The following PCDH9 variants were observed in gnomAD, a reference collection of about 807,000 sequenced individuals.
The protein encoded by PCDH9 is protocadherin 9.
A neutral mutation model predicts 70.6 loss-of-function variants in PCDH9; 24 were observed. The observed-to-expected ratio is 0.34, with a 90% CI of 0.25 to 0.48. The LOEUF (loss-of-function observed/expected upper bound fraction) is 0.48. Among genes scored for constraint, PCDH9 ranks in the 20% least tolerant of loss-of-function variants. The pLI, the probability that PCDH9 is intolerant of heterozygous loss-of-function variation, is 0.99. For synonymous variants in PCDH9, 562 were observed against 558.5 expected, an observed-to-expected ratio of 1.01 and a Z score of -0.09; for missense variants, 1,281 against 1,503.6, an observed-to-expected ratio of 0.85 and a Z score of 2.45.
At chr13:66,655,503 T>A (rs913932579) in intron 3 of PCDH9, among the ~76,000 whole-genome samples, 1 of 152,072 alleles carries the variant, frequency 6.6e-6, no homozygotes, top group Non-Finnish European at 1.5e-5. Context: ...TTTCTTCATA[T>A]AAAGTCAGTC....
At chr13:66,329,781 C>T (rs527465243) in intron 4 of PCDH9, among the ~76,000 whole-genome samples, 24 of 152,006 alleles carry the variant, frequency 1.6e-4, no homozygotes, top group African/African-American at 5.3e-4. Flanking sequence ...CACAGGTAGG[C>T]GGAATGGAAA....
At chr13:66,561,565 C>T (rs1417297055) in intron 4 of PCDH9, among the ~76,000 whole-genome samples, 1 of 152,152 alleles carries the variant, frequency 6.6e-6, no homozygotes, top group African/African-American at 2.4e-5. Flanking sequence ...CTGTATCTAG[C>T]TCAAGGTTTG....
intron 3 of PCDH9, among the ~76,000 whole-genome samples, chr13:66,667,463 C>A (rs1010379404): frequency 2.6e-5 from 4 of 152,004 alleles, no homozygotes; most frequent in Non-Finnish European, 5.9e-5. Flanking sequence ...TTTTGAGAAC[C>A]TGTTGAAATC....
chr13:66,981,255 G>A (rs1389417928), intron 2 of PCDH9, among the ~76,000 whole-genome samples: 3 of 151,932 alleles, frequency 2.0e-5, no homozygotes, highest in Non-Finnish European at 4.4e-5. Flanking sequence ...TGGCTAACAC[G>A]GTGAAACTCC....
rs544673868 is a variant in PCDH9, at chr13:66,681,375, C to T, written c.3139-49964G>A. Among the ~76,000 whole-genome samples, 15 of 152,188 alleles carry T rather than the reference C, an allele frequency of 9.9e-5. 1 individual carries two copies. The highest frequency in any genetic ancestry group is 1.3e-4 in the Admixed American group (2 of 15,264). On this transcript the variant is annotated intron_variant, in intron 3 of 4. Transcript: ENST00000377865. ...TGTTTCCATTACATTGAAAAACTAA[C>T]TTGACCTAATTCAGTATTTTAGTTA...
At chr13:66,719,072 CA>C (rs550155641) in intron 3 of PCDH9, among the ~76,000 whole-genome samples, 403 of 152,300 alleles carry the variant, frequency 2.6e-3, no homozygotes, top group Non-Finnish European at 3.8e-3. Context: ...TTCTTATCCT[CA>C]AACAGGAACC....
At chr13:66,325,937 C>T (rs1338643038) in intron 4 of PCDH9, among the ~76,000 whole-genome samples, 3 of 152,092 alleles carry the variant, frequency 2.0e-5, no homozygotes, top group African/African-American at 7.2e-5. Context: ...TCATTCCCAC[C>T]TCCTATTCAG....
chr13:67,103,904 G>T (rs1232749960), intron 2 of PCDH9, among the ~76,000 whole-genome samples: 2 of 152,104 alleles, frequency 1.3e-5, no homozygotes, highest in Non-Finnish European at 2.9e-5. Context: ...GAATCTAGTT[G>T]CAAAGAGGCC....
rs1408936866 is a variant in PCDH9, at chr13:66,756,846, T to A, written c.3139-125435A>T. Reference sequence around the variant, plus strand: ...TGATTGATTTATTTTATTATTATAATTTTTTTGAGACAGAGTCCTAGCTCC... The same window carrying A: ...TGATTGATTTATTTTATTATTATAAATTTTTTGAGACAGAGTCCTAGCTCC... On this transcript the variant is annotated intron_variant, in intron 3 of 4. Transcript: ENST00000377865. Among the ~76,000 whole-genome samples the A allele has an allele frequency of 3.3e-5, 5 of 152,096 alleles. No homozygotes were observed. In the East Asian group the frequency reaches 9.6e-4, roughly 29 times the overall value.
At chr13:67,210,050 AC>A in intron 2 of PCDH9, 1 of 152,196 alleles carries the variant, frequency 6.6e-6, no homozygotes, top group African/African-American at 2.4e-5. Context: ...TTATTGCAAA[AC>A]TATGTGTAAT....
At chr13:66,562,508 G>A (rs2076588407) in intron 4 of PCDH9, among the ~76,000 whole-genome samples, 1 of 152,182 alleles carries the variant, frequency 6.6e-6, no homozygotes, top group Non-Finnish European at 1.5e-5. Context: ...GGAAGGCAAA[G>A]TAGGAGCAAA....
At chr13:67,147,717 C>A (rs1179084272) in intron 2 of PCDH9, among the ~76,000 whole-genome samples, 1 of 152,168 alleles carries the variant, frequency 6.6e-6, no homozygotes, top group Non-Finnish European at 1.5e-5. Context: ...AAAATTGTTT[C>A]TTTGTATTTC....
chr13:67,155,076 C>T lies in PCDH9; in HGVS notation c.3036+70329G>A, dbSNP rs148831342. 2.4e-3 allele frequency among the ~76,000 whole-genome samples: 368 copies of T among 152,174 alleles called. 6 individuals are homozygous for T. The highest frequency in any genetic ancestry group is 7.9e-3 in the African/African-American group (326 of 41,522). On this transcript the variant is annotated intron_variant, in intron 2 of 4. Transcript: ENST00000377865. ...AAAGGTGTTTTACTTTCTGTACAGA[C>T]GGTTTTCAATTTTGTATTTTGTCAT...
intron 2 of PCDH9, among the ~76,000 whole-genome samples, chr13:67,013,182 C>T (rs9571708): frequency 0.29 from 44,203 of 151,166 alleles, 6,990 homozygotes; most frequent in Admixed American, 0.36. Context: ...CCCATGAAAT[C>T]ACCACTCAGA....
chr13:67,068,992 G>A (rs1266924975), intron 2 of PCDH9, among the ~76,000 whole-genome samples: 3 of 152,070 alleles, frequency 2.0e-5, no homozygotes, highest in African/African-American at 7.2e-5. Context: ...AAAATCAGTT[G>A]CACATAAAAC....
At chr13:66,654,054 C>T (rs575539926) in intron 3 of PCDH9, among the ~76,000 whole-genome samples, 1 of 151,822 alleles carries the variant, frequency 6.6e-6, no homozygotes, top group East Asian at 1.9e-4. Context: ...TATTCACAAT[C>T]GCAAGGATCC....
intron 2 of PCDH9, among the ~76,000 whole-genome samples, chr13:67,129,406 G>C (rs1422876377): frequency 6.6e-6 from 1 of 152,132 alleles, no homozygotes. Flanking sequence ...ACGTGTGTGT[G>C]TGTTTGTATG....
intron 4 of PCDH9, among the ~76,000 whole-genome samples, chr13:66,387,894 T>G (rs1033512266): frequency 2.6e-5 from 4 of 152,192 alleles, no homozygotes; most frequent in African/African-American, 7.2e-5. Flanking sequence ...TATGTGCTGG[T>G]GCATGGTTGC....
chr13:66,379,880 C>G (rs375574114), intron 4 of PCDH9, among the ~76,000 whole-genome samples: 1 of 151,600 alleles, frequency 6.6e-6, no homozygotes, highest in South Asian at 2.1e-4. Flanking sequence ...TTAAAAAAAA[C>G]AAAAAAAGCA....
Sources: allele counts gnomAD v4.1 joint callset (sites outside exome capture counted in the v4.1 genomes callset), GRCh38; gene constraint gnomAD v4.1.1; transcripts MANE v1.5; gene names NCBI Gene and HGNC (gene_info 2026-07-23, HGNC 2026-07-21).